The following SLBP variants were observed in gnomAD, a reference collection of about 807,000 sequenced individuals.
SLBP encodes histone RNA hairpin-binding protein.
Under a neutral mutation model 39.2 loss-of-function variants are expected in SLBP, and 29 were observed. The ratio of observed to expected loss-of-function variants is 0.74; its 90% CI spans 0.55 to 1.01. SLBP has a LOEUF of 1.01. SLBP is among the 50% of genes least tolerant of loss of function. The pLI is 0.00. For synonymous variants in SLBP, 129 were observed against 118.7 expected (o/e 1.09, Z -0.57); for missense variants, 390 against 350.2 (o/e 1.11, Z -0.91).
chr4:1,699,182 C>A (rs1716233998), intron 5 of SLBP, among the ~76,000 whole-genome samples: 1 of 152,172 alleles, frequency 6.6e-6, no homozygotes, highest in South Asian at 2.1e-4. Flanking sequence ...CCAGGATAGG[C>A]AAGAACATGC....
chr4:1,703,744 G>C (rs969964816), intron 2 of SLBP, 44 bp from the exon 3 acceptor site: 1 of 1,312,572 alleles, frequency 7.6e-7, no homozygotes, highest in African/African-American at 1.4e-5. Context: ...CACATACTTT[G>C]TTTTCTTTCA....
chr4:1,706,403 T>C (rs1459572380), intron 2 of SLBP, among the ~76,000 whole-genome samples: 1 of 152,170 alleles, frequency 6.6e-6, no homozygotes, highest in Non-Finnish European at 1.5e-5. Flanking sequence ...TATGTCAGAG[T>C]CCTTGCTGTG....
chr4:1,693,351 G>T lies in SLBP; in HGVS notation c.*246C>A. 2.6e-6 allele frequency: 1 copy of T among 391,832 alleles called. No homozygotes were observed. The highest frequency in any genetic ancestry group is 4.7e-6 in the Non-Finnish European group (1 of 211,892). The allele number at this position is 391,832 out of a possible 1,614,324, so 24.3% of individuals were successfully genotyped here. ...CAACAGGGATTACGCAATTAAGCTC[G>T]CTGGAAGAGAGCTTCAAGTACTTTC... On this transcript the variant is annotated 3_prime_UTR_variant, in exon 8 of 8. Transcript: ENST00000489418.
rs1254832114 is a variant in SLBP, at chr4:1,712,271, A to T, written c.-83T>A. ...CAGAGAGCGCAGAGTAGAGCAGGGC[A>T]GGGCCTGAGGCAGAAACCCGCGTCC... On this transcript the variant is annotated 5_prime_UTR_variant, in exon 1 of 8. Transcript: ENST00000489418. 2.3e-6 allele frequency: 2 copies of T among 872,120 alleles called. No homozygotes were observed. The highest frequency in any genetic ancestry group is 3.9e-5 in the Admixed American group (1 of 25,390). 54.0% of individuals were successfully genotyped at this position (872,120 alleles called of 1,614,324 possible).
At chr4:1,711,423 C>T (rs1039539723) in intron 2 of SLBP, among the ~76,000 whole-genome samples, 2 of 152,168 alleles carry the variant, frequency 1.3e-5, no homozygotes, top group African/African-American at 4.8e-5. Context: ...TTCCTCCAGA[C>T]CCTCCTCGGC....
intron 2 of SLBP, among the ~76,000 whole-genome samples, chr4:1,704,567 G>A (rs541691164): frequency 2.6e-5 from 4 of 152,176 alleles, no homozygotes; most frequent in Non-Finnish European, 5.9e-5. Flanking sequence ...CACAGATCGC[G>A]GGCACATCTA....
chr4:1,699,280 T>C (rs1716236651), intron 5 of SLBP, among the ~76,000 whole-genome samples: 2 of 152,222 alleles, frequency 1.3e-5, no homozygotes, highest in African/African-American at 2.4e-5. Flanking sequence ...TTCCCCATCA[T>C]GTATTTTAAT....
At chr4:1,711,385 C>T (rs929458462) in intron 2 of SLBP, among the ~76,000 whole-genome samples, 2 of 152,114 alleles carry the variant, frequency 1.3e-5, no homozygotes, top group Non-Finnish European at 2.9e-5. Flanking sequence ...AAAGCCCCGC[C>T]ACTACGACCA....
intron 7 of SLBP, 86 bp from the exon 8 acceptor site, chr4:1,693,799 AATC>A: frequency 1.3e-6 from 1 of 788,326 alleles, no homozygotes; most frequent in South Asian, 1.4e-5. Flanking sequence ...TTATGTGGTA[AATC>A]ATGTGATGTA....
chr4:1,696,654 T>C (rs959052124), intron 5 of SLBP, among the ~76,000 whole-genome samples: 2 of 152,060 alleles, frequency 1.3e-5, no homozygotes, highest in African/African-American at 4.8e-5. Context: ...TCCTAGCATT[T>C]TGGGAGGCCA....
At chr4:1,704,580 C>CT (rs2108662376) in intron 2 of SLBP, among the ~76,000 whole-genome samples, 2 of 152,284 alleles carry the variant, frequency 1.3e-5, no homozygotes, top group Non-Finnish European at 2.9e-5. Context: ...CACATCTAGA[C>CT]AGATGTGTGC....
rs763520789 is a variant in SLBP at position 1,693,191 on chromosome 4, G to A, written c.*406C>T. The A allele has an allele frequency of 3.7e-5, 6 of 163,164 alleles. No individual in the cohort carries two copies. The highest frequency in any genetic ancestry group is 8.1e-5 in the Non-Finnish European group (6 of 74,132). 10.1% of individuals were successfully genotyped at this position (163,164 alleles called of 1,614,324 possible). On this transcript the variant is annotated 3_prime_UTR_variant, in exon 8 of 8. Transcript: ENST00000489418. ...TAAAGGTGTCTGAGAATACTTTGAT[G>A]CCTATAAAAGTAGCTGACTCTCAAT...
intron 2 of SLBP, among the ~76,000 whole-genome samples, chr4:1,704,001 C>G (rs545432749): frequency 6.6e-6 from 1 of 152,144 alleles, no homozygotes; most frequent in Non-Finnish European, 1.5e-5. Flanking sequence ...AGATGTAGAA[C>G]ATAACCTATC....
chr4:1,711,787 G>C, intron 2 of SLBP, 87 bp downstream of exon 2: 2 of 671,392 alleles, frequency 3.0e-6, no homozygotes, highest in Non-Finnish European at 4.3e-6. Flanking sequence ...GACCGATCCC[G>C]GCACCGCGAG....
chr4:1,712,105 C>T, intron 1 of SLBP, 25 bp downstream of exon 1: 3 of 1,227,014 alleles, frequency 2.4e-6, no homozygotes, highest in Non-Finnish European at 3.0e-6. Context: ...CGCGCTCCCT[C>T]GCCCGCCGCG....
In SLBP at chr4:1,700,887, G is replaced by A. The variant is rs116289967; in HGVS notation, c.282-817C>T. Among the ~76,000 whole-genome samples, 306 of 152,130 alleles carry A rather than the reference G, an allele frequency of 2.0e-3. 1 individual carries two copies. Among genetic ancestry groups the A allele is most frequent in the African/African-American group, 7.0e-3 (291 of 41,508 alleles). ...CCTGTCATGCAGGTATCTAAATTATGTCATGTATTACTGTGCCTCCTCTCA... is the reference window on the plus strand; with the variant it reads ...CCTGTCATGCAGGTATCTAAATTATATCATGTATTACTGTGCCTCCTCTCA... On this transcript the variant is annotated intron_variant, in intron 3 of 7. Coordinates refer to ENST00000489418, the MANE Select transcript of SLBP (RefSeq NM_006527.4).
intron 5 of SLBP, among the ~76,000 whole-genome samples, chr4:1,699,081 G>A (rs1460053935): frequency 6.6e-6 from 1 of 152,156 alleles, no homozygotes; most frequent in Non-Finnish European, 1.5e-5. Context: ...ACCTGGCCCA[G>A]AAATGTAAAT....
At chr4:1,701,308 G>C (rs764081684) in intron 3 of SLBP, among the ~76,000 whole-genome samples, 1 of 151,796 alleles carries the variant, frequency 6.6e-6, no homozygotes, top group Non-Finnish European at 1.5e-5. Flanking sequence ...ACCACGCCTG[G>C]CTAATTTTTA....
intron 2 of SLBP, among the ~76,000 whole-genome samples, chr4:1,711,368 G>C (rs1716761857): frequency 6.6e-6 from 1 of 150,960 alleles, no homozygotes; most frequent in South Asian, 2.1e-4. Context: ...TCTAACCACA[G>C]CCCCGAAAAG....
Sources: gnomAD v4.1 joint callset for allele counts (sites outside exome capture counted in the v4.1 genomes callset) on GRCh38, gnomAD v4.1.1 for gene constraint, MANE v1.5 for transcripts, NCBI Gene and HGNC (gene_info 2026-07-23, HGNC 2026-07-21) for gene names.